UTP20: variants seen among roughly 807,000 people sequenced by gnomAD.
UTP20 encodes small subunit processome component 20 homolog.
Under a neutral mutation model 329.5 loss-of-function variants are expected in UTP20, and 164 were observed. The observed-to-expected ratio is 0.50, with a 90% confidence interval of 0.44 to 0.57. The LOEUF (loss-of-function observed/expected upper bound fraction) is 0.57. UTP20 is among the 20% of genes least tolerant of loss of function. The pLI is 0.00. For synonymous variants in UTP20, 1,151 were observed against 1,159.3 expected (o/e 0.99, Z 0.14); for missense variants, 3,055 against 3,284.2 (o/e 0.93, Z 1.71).
rs570646258 is a variant in UTP20, at chr12:101,280,586, A to G, written c.45+259A>G. Among the ~76,000 whole-genome samples, 3 of 152,324 alleles carry G rather than the reference A, an allele frequency of 2.0e-5. No individual in the cohort carries two copies. In the South Asian group the frequency reaches 6.2e-4, roughly 32 times the overall value. ...CCTGTAGTCCAGAATTAAATTCACT[A>G]TTCCAGGAGATTGCTTAGGACCAAT... On this transcript the variant is annotated intron_variant, in intron 1 of 61. Coordinates refer to ENST00000261637, the MANE Select transcript of UTP20 (RefSeq NM_014503.3).
chr12:101,383,347 C>A, intron 59 of UTP20, 34 bp downstream of exon 59: 1 of 1,582,418 alleles, frequency 6.3e-7, no homozygotes, highest in Non-Finnish European at 8.6e-7. Flanking sequence ...TGACAGTAGT[C>A]ATTTCTCTTT....
chr12:101,305,597 TTAAA>T (rs1481193501), intron 15 of UTP20, among the ~76,000 whole-genome samples: 1 of 142,406 alleles, frequency 7.0e-6, no homozygotes, highest in Admixed American at 7.0e-5. Flanking sequence ...AAAATATAAA[TTAAA>T]TAATAAATAT....
Position 101,365,517 on chromosome 12 carries a change from G to C in UTP20, c.6017G>C (p.Arg2006Pro). The change falls in exon 46 of 62, where the codon CGA (arginine) becomes CCA (proline). Residue 2006 changes from arginine (R) to proline (P), a missense_variant. Transcript: ENST00000261637. Reference sequence around the variant, plus strand: ...CGGAAAGTTCATGAAACTTTACGCCGAATCACAGTGGGATTAATTGTAAAT... The same window carrying C: ...CGGAAAGTTCATGAAACTTTACGCCCAATCACAGTGGGATTAATTGTAAAT... ...LARKVHETLR[R>P]ITVGLIVNQE... The C allele has an allele frequency of 1.9e-6, 3 of 1,612,660 alleles. No homozygotes were observed. The highest frequency in any genetic ancestry group is 4.5e-5 in the East Asian group (2 of 44,760).
chr12:101,382,944 T>C (rs574819321), intron 58 of UTP20, 97 bp from the exon 59 acceptor site: 1 of 1,441,498 alleles, frequency 6.9e-7, no homozygotes, highest in African/African-American at 1.4e-5. Flanking sequence ...TTTTGTTTTC[T>C]AATTGTAGAA....
At chr12:101,381,119 A>T in intron 57 of UTP20, 21 bp from the exon 58 acceptor site, 1 of 1,591,734 alleles carries the variant, frequency 6.3e-7, no homozygotes, top group Non-Finnish European at 8.6e-7. Flanking sequence ...TTGTCTACCA[A>T]TGTCCATTTT....
intron 48 of UTP20, 138 bp downstream of exon 48, chr12:101,368,114 T>G (rs762229825): frequency 1.9e-5 from 12 of 626,382 alleles, no homozygotes; most frequent in Admixed American, 7.7e-5. Context: ...GTGGGTTTTT[T>G]GGGGTTTTTG....
Position 101,338,285 on chromosome 12 carries a change from T to G in UTP20, c.3868+8T>G. ...TAGCAGAAAACATCGGTGGTATGTA[T>G]GCTGACAAAGCAGATAATTCTTAGA... is the stretch of plus-strand genomic sequence containing the variant. On this transcript the variant is annotated splice_region_variant and intron_variant, in intron 30 of 61. Coordinates refer to ENST00000261637, the MANE Select transcript of UTP20 (RefSeq NM_014503.3). 6.2e-7 allele frequency: 1 copy of G among 1,612,874 alleles called. No homozygotes were observed. The highest frequency in any genetic ancestry group is 8.5e-7 in the Non-Finnish European group (1 of 1,178,864).
intron 32 of UTP20, among the ~76,000 whole-genome samples, chr12:101,341,377 A>G (rs1869130714): frequency 6.6e-6 from 1 of 152,140 alleles, no homozygotes; most frequent in Non-Finnish European, 1.5e-5. Flanking sequence ...TGATTTTCAA[A>G]CCCTAGTTCA....
At chr12:101,287,853 T>C (rs1472626272) in intron 5 of UTP20, among the ~76,000 whole-genome samples, 2 of 152,230 alleles carry the variant, frequency 1.3e-5, no homozygotes, top group Non-Finnish European at 2.9e-5. Context: ...AAAGTTTACA[T>C]TTTAGCAGGG....
intron 56 of UTP20, among the ~76,000 whole-genome samples, chr12:101,378,960 A>G (rs989058041): frequency 2.0e-5 from 3 of 152,150 alleles, no homozygotes; most frequent in Non-Finnish European, 4.4e-5. Flanking sequence ...TTGATACATA[A>G]TTATGCCTAC....
chr12:101,308,427 T>C (rs1872694973), intron 18 of UTP20, 84 bp downstream of exon 18: 2 of 511,416 alleles, frequency 3.9e-6, no homozygotes, highest in Non-Finnish European at 5.2e-6. Flanking sequence ...GTCACCAAAA[T>C]AATAATAATA....
At chr12:101,385,776 T>A in intron 61 of UTP20, 48 bp downstream of exon 61, 1 of 1,580,644 alleles carries the variant, frequency 6.3e-7, no homozygotes, top group Non-Finnish European at 8.6e-7. Flanking sequence ...ACTTGATAAC[T>A]ACTAAGTGTG....
chr12:101,375,088 A>C, intron 55 of UTP20, 149 bp downstream of exon 55: 1 of 624,734 alleles, frequency 1.6e-6, no homozygotes. Context: ...ATTTGTGTTC[A>C]AACAGTGTCC....
At chr12:101,288,938 A>G (rs903483715) in intron 5 of UTP20, 22 bp from the exon 6 acceptor site, 1 of 1,584,658 alleles carries the variant, frequency 6.3e-7, no homozygotes, top group African/African-American at 1.4e-5. Context: ...AATGAAATGT[A>G]TCTTATTTTT....
intron 12 of UTP20, among the ~76,000 whole-genome samples, chr12:101,298,709 A>G (rs17031241): frequency 0.031 from 4,760 of 152,268 alleles, 280 homozygotes; most frequent in African/African-American, 0.11. Flanking sequence ...TTGTTGAGTC[A>G]TGATTATTAC....
rs1024567788 is a variant in UTP20, at chr12:101,375,847, A to G, written c.7396+91A>G. 39 of 776,244 alleles carry G rather than the reference A, an allele frequency of 5.0e-5. No homozygotes were observed. In the African/African-American group the frequency reaches 5.8e-4, roughly 12 times the overall value. 48.1% of individuals were successfully genotyped at this position (776,244 alleles called of 1,614,324 possible). ...TGAGAAATTCGAATATGAATACTTC[A>G]GAAAGTATACAATGTCAGGAAAAGA... On this transcript the variant is annotated intron_variant, in intron 56 of 61. Coordinates refer to ENST00000261637, the MANE Select transcript of UTP20 (RefSeq NM_014503.3).
At chr12:101,331,326 T>TG (rs1334617016) in intron 27 of UTP20, among the ~76,000 whole-genome samples, 1 of 152,196 alleles carries the variant, frequency 6.6e-6, no homozygotes, top group Non-Finnish European at 1.5e-5. Flanking sequence ...TGTTTGCAGT[T>TG]GTGAGCTTCA....
chr12:101,309,646 T>A (rs1809504454), intron 18 of UTP20, 117 bp from the exon 19 acceptor site: 3 of 915,262 alleles, frequency 3.3e-6, no homozygotes, highest in Non-Finnish European at 4.8e-6. Flanking sequence ...TTTTTTCTTA[T>A]CGCACAGGCT....
Position 101,359,465 on chromosome 12 carries a change from C to CTGTGTGTG in UTP20, c.5691+2397_5691+2404dup, listed in dbSNP as rs368060911. Among the ~76,000 whole-genome samples, 1,374 of 148,136 alleles carry CTGTGTGTG rather than the reference C, an allele frequency of 9.3e-3. 22 individuals are homozygous for CTGTGTGTG. Among genetic ancestry groups the CTGTGTGTG allele is most frequent in the African/African-American group, 0.031 (1,248 of 40,510 alleles). On this transcript the variant is annotated intron_variant, in intron 43 of 61. Coordinates refer to ENST00000261637, the MANE Select transcript of UTP20 (RefSeq NM_014503.3). ...ATTTTTCTCCCACTGGTTCCTGAGG[C>CTGTGTGTG]TGTGTGTGTGTGTGTGTGTGTATGT...
Sources: allele counts gnomAD v4.1 joint callset (sites outside exome capture counted in the v4.1 genomes callset), GRCh38; gene constraint gnomAD v4.1.1; transcripts MANE v1.5; gene names NCBI Gene and HGNC (gene_info 2026-07-23, HGNC 2026-07-21).